Variants in DENND1A observed in about 807,000 individuals in gnomAD.
DENND1A encodes the protein DENN domain containing 1A.
A neutral mutation model predicts 113.7 loss-of-function variants in DENND1A; 51 were observed. The observed-to-expected ratio is 0.45, with a 90% CI of 0.36 to 0.57. The LOEUF is 0.57. DENND1A is among the 20% of genes least tolerant of loss of function. The pLI is 0.00. For synonymous variants in DENND1A, 565 were observed against 570.8 expected (o/e 0.99, Z 0.14); for missense variants, 1,258 against 1,395.9 (o/e 0.90, Z 1.57).
chr9:123,495,131 CAT>C (rs2051755703), intron 13 of DENND1A, among the ~76,000 whole-genome samples: 1 of 106,556 alleles, frequency 9.4e-6, no homozygotes, highest in South Asian at 3.9e-4. Context: ...TATGACCCAT[CAT>C]TGTCTCTTTC....
chr9:123,483,343 G>A (rs2050509994), intron 13 of DENND1A, among the ~76,000 whole-genome samples: 1 of 152,238 alleles, frequency 6.6e-6, no homozygotes, highest in Non-Finnish European at 1.5e-5. Flanking sequence ...GTCCAGAGAT[G>A]CTGGGGGGCC....
chr9:123,815,748 T>C (rs1837343129), intron 2 of DENND1A, among the ~76,000 whole-genome samples: 1 of 152,132 alleles, frequency 6.6e-6, no homozygotes, highest in South Asian at 2.1e-4. Context: ...TTATGATCTA[T>C]GTAATTTTCC....
At chr9:123,805,157 C>A (rs539140744) in intron 2 of DENND1A, among the ~76,000 whole-genome samples, 55 of 152,218 alleles carry the variant, frequency 3.6e-4, no homozygotes, top group African/African-American at 1.3e-3. Context: ...ATGTGGCCTT[C>A]CCTAATCACC....
In DENND1A at chr9:123,432,120, C is replaced by T. The variant is rs752190507; in HGVS notation, c.1488+8240G>A. 5.1e-4 allele frequency among the ~76,000 whole-genome samples: 78 copies of T among 152,188 alleles called. 1 individual carries two copies. The highest frequency in any genetic ancestry group is 5.8e-4 in the East Asian group (3 of 5,202). ...TCTCTATAACGAGAGGAATACCACC[C>T]GAGGAGGACACGCTGAATGCCTAAT... On this transcript the variant is annotated intron_variant, in intron 19 of 23. Coordinates refer to ENST00000394215, the MANE Select transcript of DENND1A (RefSeq NM_001352964.2).
At chr9:123,626,307 G>T (rs1324823944) in intron 10 of DENND1A, among the ~76,000 whole-genome samples, 1 of 152,018 alleles carries the variant, frequency 6.6e-6, no homozygotes, top group Admixed American at 6.5e-5. Flanking sequence ...GTCTATGAAG[G>T]TGGGCGCGTC....
At chr9:123,472,870 G>C (rs1447584492) in intron 13 of DENND1A, among the ~76,000 whole-genome samples, 1 of 151,968 alleles carries the variant, frequency 6.6e-6, no homozygotes, top group Non-Finnish European at 1.5e-5. Flanking sequence ...TGGGCCCTCT[G>C]TGGGGAGGCC....
At chr9:123,520,401 C>T (rs533657438) in intron 13 of DENND1A, among the ~76,000 whole-genome samples, 13 of 152,122 alleles carry the variant, frequency 8.5e-5, no homozygotes, top group African/African-American at 1.7e-4. Context: ...TGCAGTGAGC[C>T]GAGATCGTGT....
At chr9:123,463,572 G>C (rs904811276) in intron 13 of DENND1A, among the ~76,000 whole-genome samples, 7 of 152,016 alleles carry the variant, frequency 4.6e-5, no homozygotes, top group Non-Finnish European at 8.8e-5. Flanking sequence ...ATGAGAAATG[G>C]AAAGAATCTC....
intron 13 of DENND1A, among the ~76,000 whole-genome samples, chr9:123,533,273 C>T (rs568172004): frequency 2.6e-5 from 4 of 152,296 alleles, no homozygotes; most frequent in African/African-American, 9.6e-5. Context: ...TTTGAGAATG[C>T]TTTTACTCTA....
chr9:123,679,732 C>T (rs967609877), intron 5 of DENND1A, among the ~76,000 whole-genome samples: 4 of 152,200 alleles, frequency 2.6e-5, no homozygotes, highest in Admixed American at 2.0e-4. Flanking sequence ...ACAGCTTGCG[C>T]GGCCTGCTAG....
chr9:123,645,655 T>C (rs1294772861), intron 9 of DENND1A, among the ~76,000 whole-genome samples: 5 of 152,158 alleles, frequency 3.3e-5, no homozygotes, highest in Admixed American at 6.5e-5. Flanking sequence ...CAGCAATCCA[T>C]GAAACTTCGA....
Position 123,381,957 on chromosome 9 carries a change from G to C in DENND1A, c.2688C>G (p.Val896=). The change falls in exon 24 of 24, where the codon GTC becomes GTG. Residue 896 remains valine (V), a synonymous_variant. Coordinates refer to ENST00000394215, the MANE Select transcript of DENND1A (RefSeq NM_001352964.2). This position sits in a 1 kb window ranked among gnomAD's most constrained non-coding sequence, Gnocchi z 4.7. The part of the protein sequence containing the change: ...PFPQPPLNPF[V]PSMPAAPPTL... The stretch of plus-strand genomic sequence containing the variant: ...TGGGTGGGGCTGCTGGCATGGATGG[G>C]ACAAAGGGGTTGAGTGGTGGCTGTG... The C allele has an allele frequency of 6.8e-7, 1 of 1,469,078 alleles. No homozygotes were observed. Among genetic ancestry groups the C allele is most frequent in the Non-Finnish European group, 9.0e-7 (1 of 1,109,992 alleles). 91.0% of individuals were successfully genotyped at this position (1,469,078 alleles called of 1,614,324 possible).
intron 11 of DENND1A, among the ~76,000 whole-genome samples, chr9:123,589,661 A>C (rs974313207): frequency 6.6e-5 from 10 of 151,438 alleles, no homozygotes; most frequent in Admixed American, 4.6e-4. Flanking sequence ...AAAAAAAAAA[A>C]AAAAAAAAAA....
chr9:123,780,147 C>G (rs1047767552), intron 3 of DENND1A, among the ~76,000 whole-genome samples: 2 of 152,204 alleles, frequency 1.3e-5, no homozygotes, highest in African/African-American at 4.8e-5. Context: ...AGCCACCATG[C>G]CCAGTCTTGC....
intron 13 of DENND1A, among the ~76,000 whole-genome samples, chr9:123,484,051 G>A (rs1379960421): frequency 6.6e-6 from 1 of 152,154 alleles, no homozygotes; most frequent in Admixed American, 6.5e-5. Flanking sequence ...GTCTAAATCT[G>A]GTCAGAGGGA....
intron 10 of DENND1A, among the ~76,000 whole-genome samples, chr9:123,612,528 TAC>T (rs1159377647): frequency 6.6e-6 from 1 of 152,248 alleles, no homozygotes; most frequent in African/African-American, 2.4e-5. Context: ...ATAAAGTGCA[TAC>T]ATTGTTTTAT....
intron 13 of DENND1A, among the ~76,000 whole-genome samples, chr9:123,522,417 G>GA (rs2054470736): frequency 6.6e-6 from 1 of 152,220 alleles, no homozygotes; most frequent in African/African-American, 2.4e-5. Flanking sequence ...GGAGCAATTA[G>GA]AGCTGGTTTG....
intron 11 of DENND1A, among the ~76,000 whole-genome samples, chr9:123,607,706 C>T (rs1429814491): frequency 6.6e-6 from 1 of 150,614 alleles, no homozygotes. Context: ...AGAACCCCAG[C>T]TGAGTCATTG....
intron 5 of DENND1A, among the ~76,000 whole-genome samples, chr9:123,753,277 CAT>C (rs951076517): frequency 3.9e-5 from 6 of 152,072 alleles, no homozygotes; most frequent in African/African-American, 1.4e-4. Flanking sequence ...GAGAAAAAAA[CAT>C]AAAAATTCCC....
Sources: allele counts gnomAD v4.1 joint callset (sites outside exome capture counted in the v4.1 genomes callset), GRCh38; gene constraint gnomAD v4.1.1; non-coding constraint Gnocchi (gnomAD v3.1); transcripts MANE v1.5; gene names NCBI Gene and HGNC (gene_info 2026-07-23, HGNC 2026-07-21).